The following NEB variants were observed in gnomAD, a reference collection of about 807,000 sequenced individuals.
NEB encodes nebulin.
Under a neutral mutation model 952.2 loss-of-function variants are expected in NEB, and 512 were observed. The observed-to-expected ratio is 0.54, with a 90% CI of 0.50 to 0.58. The LOEUF (loss-of-function observed/expected upper bound fraction) is 0.58. NEB is among the 20% of genes least tolerant of loss of function. NEB has a pLI of 0.00. For synonymous variants in NEB, 2,900 were observed against 3,149.8 expected, an observed-to-expected ratio of 0.92 and a Z score of 2.66; for missense variants, 8,428 against 9,231.1, an observed-to-expected ratio of 0.91 and a Z score of 3.56.
intron 162 of NEB, among the ~76,000 whole-genome samples, chr2:151,507,571 G>A (rs1027013141): frequency 1.3e-5 from 2 of 152,102 alleles, no homozygotes; most frequent in Non-Finnish European, 2.9e-5. Context: ...TAAATCCCCT[G>A]TTTATTACCA....
Position 151,650,171 on chromosome 2 carries a change from C to T in NEB, c.7431+5G>A. The T allele has an allele frequency of 6.2e-7, 1 of 1,611,760 alleles. No individual in the cohort carries two copies. Among genetic ancestry groups the T allele is most frequent in the South Asian group, 1.1e-5 (1 of 91,030 alleles). ...TAATCTATTTATTTCCAGAGTGCTA[C>T]TCACATCACTCCTATTTTTGGCATT... is the stretch of plus-strand genomic sequence containing the variant. On this transcript the variant is annotated splice_donor_5th_base_variant and intron_variant, in intron 54 of 181. Coordinates refer to ENST00000397345, the MANE Select transcript of NEB (RefSeq NM_001164508.2).
chr2:151,677,091 T>TTG (rs772011088), intron 34 of NEB, among the ~76,000 whole-genome samples: 58 of 152,208 alleles, frequency 3.8e-4, no homozygotes, highest in Non-Finnish European at 3.4e-4. Context: ...TCTGTGATAA[T>TTG]TGTGTATGCT....
At chr2:151,490,696 A>T (rs1203576276) in intron 179 of NEB, among the ~76,000 whole-genome samples, 178 bp from the exon 180 acceptor site, 1 of 152,214 alleles carries the variant, frequency 6.6e-6, no homozygotes, top group Non-Finnish European at 1.5e-5. Context: ...ATTTTTACAG[A>T]TGAGAGCTTA....
chr2:151,629,441 A>G lies in NEB; in HGVS notation c.9831+98T>C, dbSNP rs77054491. 7.1e-4 allele frequency: 719 copies of G among 1,013,530 alleles called. 3 individuals carry two copies. The African/African-American group carries it at 0.011, about 15-fold the overall frequency. The allele number at this position is 1,013,530 out of a possible 1,614,324, so 62.8% of individuals were successfully genotyped here. ...GAATTTGATTTAGAAAAACAAGCCA[A>G]TAAATGTGCTTAAACTGGCCCCCAA... On this transcript the variant is annotated intron_variant, in intron 68 of 181. Transcript: ENST00000397345.
intron 13 of NEB, among the ~76,000 whole-genome samples, chr2:151,698,261 C>T (rs1449437615): frequency 2.6e-5 from 4 of 152,068 alleles, no homozygotes; most frequent in Non-Finnish European, 5.9e-5. Flanking sequence ...ATATACCACA[C>T]AATTCACCAA....
At chr2:151,730,022 G>A (rs2099802026) in intron 3 of NEB, among the ~76,000 whole-genome samples, 1 of 152,122 alleles carries the variant, frequency 6.6e-6, no homozygotes, top group Admixed American at 6.5e-5. Flanking sequence ...TGAGTGTGTG[G>A]GTTGGGCAGA....
rs1399774878 is a variant in NEB at position 151,662,626 on chromosome 2, T to TTCATA, written c.5764-286_5764-285insTATGA. Among the ~76,000 whole-genome samples the TTCATA allele has an allele frequency of 2.6e-5, 4 of 152,218 alleles. No individual in the cohort carries two copies. In the East Asian group the frequency reaches 7.7e-4, roughly 29 times the overall value. On this transcript the variant is annotated intron_variant, in intron 45 of 181. Transcript: ENST00000397345. ...CAATGCCTTCATAAAGAAAAAGTAC[T>TTCATA]AAGAAATACCACATAGATTCATCTC...
At chr2:151,660,863 A>G (rs1264330806) in intron 46 of NEB, among the ~76,000 whole-genome samples, 2 of 152,210 alleles carry the variant, frequency 1.3e-5, no homozygotes, top group South Asian at 2.1e-4. Context: ...GCATAATCCA[A>G]TATGGTAGAA....
rs1254993964 is a variant in NEB at position 151,702,763 on chromosome 2, C to T, written c.1152+4118G>A. The stretch of plus-strand genomic sequence containing the variant: ...TTTTATTTTGAGCCTATGTGTGTCT[C>T]TGCACGTGAGTTGGGTTTCCTGAAT... On this transcript the variant is annotated intron_variant, in intron 13 of 181. Transcript: ENST00000397345. Among the ~76,000 whole-genome samples, 10 of 152,272 alleles carry T rather than the reference C, an allele frequency of 6.6e-5. No homozygotes were observed. In the East Asian group the frequency reaches 1.5e-3, roughly 23 times the overall value.
Position 151,493,343 on chromosome 2 carries a change from T to C in NEB, c.24765+10A>G, listed in dbSNP as rs761427890. On this transcript the variant is annotated intron_variant, in intron 176 of 181. Coordinates refer to ENST00000397345, the MANE Select transcript of NEB (RefSeq NM_001164508.2). Reference sequence around the variant, plus strand: ...TTGTTGCACTATTTCTTTTTAGTCCTAGAAAATACCGAGCTAATGTTTTCT... The same window carrying C: ...TTGTTGCACTATTTCTTTTTAGTCCCAGAAAATACCGAGCTAATGTTTTCT... 3 of 1,593,824 alleles carry C rather than the reference T, an allele frequency of 1.9e-6. No individual in the cohort carries two copies. Among genetic ancestry groups the C allele is most frequent in the East Asian group, 4.5e-5 (2 of 44,734 alleles).
chr2:151,650,036 T>C (rs548389227), intron 54 of NEB, 140 bp downstream of exon 54: 8 of 806,670 alleles, frequency 9.9e-6, no homozygotes, highest in South Asian at 3.6e-5. Context: ...CTAATTCAAA[T>C]AAAATGATCC....
chr2:151,627,310 T>C (rs1043587660), intron 69 of NEB, 105 bp from the exon 70 acceptor site: 1 of 1,420,182 alleles, frequency 7.0e-7, no homozygotes, highest in African/African-American at 1.4e-5. Context: ...ATTTCATGTA[T>C]ACGTTCTTCA....
In NEB at chr2:151,568,679, G is replaced by A. The variant is rs747699601; in HGVS notation, c.17573C>T (p.Thr5858Met). ...ATAATCAACTCTGTCATCCACAGGC[G>A]TAAAGTTGAGAGTTTCTATTTTTGT... Reference protein sequence around the residue: ...YRTKIETLNFTPVDDRVDYVT... With the variant: ...YRTKIETLNFMPVDDRVDYVT... Residue 5858 changes from threonine (T) to methionine (M), a missense_variant, in exon 111 of 182, where the codon ACG becomes ATG. Physicochemically the swap from Thr to Met is moderately conservative, Grantham distance 81. Coordinates refer to ENST00000397345, the MANE Select transcript of NEB (RefSeq NM_001164508.2). 15 of 1,607,232 alleles carry A rather than the reference G, an allele frequency of 9.3e-6. No homozygotes were observed. The Admixed American group carries it at 1.2e-4, about 13-fold the overall frequency.
intron 74 of NEB, among the ~76,000 whole-genome samples, chr2:151,617,973 T>C (rs1187398582): frequency 6.6e-6 from 1 of 152,166 alleles, no homozygotes; most frequent in African/African-American, 2.4e-5. Flanking sequence ...GGCAAGAGAA[T>C]TGCTTGAACC....
At chr2:151,572,553 CT>C (rs1206979435) in intron 107 of NEB, among the ~76,000 whole-genome samples, 75 of 133,366 alleles carry the variant, frequency 5.6e-4, no homozygotes, top group Non-Finnish European at 7.6e-4. Flanking sequence ...TATATATATA[CT>C]TTTTTTTTTT....
chr2:151,605,820 A>G (rs1326411351), intron 84 of NEB, among the ~76,000 whole-genome samples: 1 of 95,702 alleles, frequency 1.0e-5, no homozygotes, highest in Non-Finnish European at 2.6e-5. Flanking sequence ...ATTTTTTTTG[A>G]AACGCAGTTT....
chr2:151,704,283 T>G (rs2099692344), intron 13 of NEB, among the ~76,000 whole-genome samples: 1 of 105,876 alleles, frequency 9.4e-6, no homozygotes, highest in Middle Eastern at 3.9e-3. Context: ...CAGGGACATT[T>G]AAGTCTGCAG....
Position 151,497,608 on chromosome 2 carries a change from C to CT in NEB, c.24300+17dup. Reference sequence around the variant, plus strand: ...AAATCATTAAATAAGTAGTTTTTTTCTTTTCTTGCCAAAGTACCGAGCTAA... The same window carrying CT: ...AAATCATTAAATAAGTAGTTTTTTTCTTTTTCTTGCCAAAGTACCGAGCTAA... On this transcript the variant is annotated intron_variant, in intron 171 of 181. Transcript: ENST00000397345. The CT allele has an allele frequency of 6.5e-7, 1 of 1,549,932 alleles. No homozygotes were observed. Among genetic ancestry groups the CT allele is most frequent in the Non-Finnish European group, 8.7e-7 (1 of 1,146,198 alleles).
At chr2:151,621,858 T>C (rs1377171277) in intron 71 of NEB, among the ~76,000 whole-genome samples, 1 of 152,172 alleles carries the variant, frequency 6.6e-6, no homozygotes, top group African/African-American at 2.4e-5. Context: ...ACAAGATAAA[T>C]ATACAGTTTG....
Sources: allele counts gnomAD v4.1 joint callset (sites outside exome capture counted in the v4.1 genomes callset), GRCh38; gene constraint gnomAD v4.1.1; transcripts MANE v1.5; gene names NCBI Gene and HGNC (gene_info 2026-07-23, HGNC 2026-07-21).